The following SYBU variants were observed in gnomAD, a reference collection of about 807,000 sequenced individuals.
SYBU encodes syntabulin.
In SYBU, 21 loss-of-function variants were observed where a neutral mutation model predicts 35.9. The ratio of observed to expected loss-of-function variants is 0.58; its 90% CI spans 0.41 to 0.84. The LOEUF is 0.84. SYBU is among the 40% of genes least tolerant of loss of function. The pLI, the probability that SYBU is intolerant of heterozygous loss-of-function variation, is 0.00. For synonymous variants in SYBU, 319 were observed against 324.3 expected, an observed-to-expected ratio of 0.98 and a Z score of 0.18; for missense variants, 768 against 848.2, an observed-to-expected ratio of 0.91 and a Z score of 1.17.
chr8:109,669,263 G>A lies in SYBU; in HGVS notation c.-129+11448C>T, dbSNP rs1367955147. Among the ~76,000 whole-genome samples, 6 of 147,912 alleles carry A rather than the reference G, an allele frequency of 4.1e-5. No individual in the cohort carries two copies. The South Asian group carries it at 6.5e-4, about 16-fold the overall frequency. ...AGGCTGAGGCAGGAGAATGGCGTGA[G>A]CCCAGGAGGCGGAGCTTGCAGTGAG... is the stretch of plus-strand genomic sequence containing the variant. On this transcript the variant is annotated intron_variant, in intron 1 of 5. Transcript: ENST00000408889.
chr8:109,605,296 T>C (rs145924926), intron 3 of SYBU, among the ~76,000 whole-genome samples: 1 of 152,232 alleles, frequency 6.6e-6, no homozygotes, highest in Non-Finnish European at 1.5e-5. Flanking sequence ...AGGATTTAAT[T>C]GTTCCATTGC....
chr8:109,598,300 T>C (rs569537209), intron 3 of SYBU, among the ~76,000 whole-genome samples: 1 of 152,352 alleles, frequency 6.6e-6, no homozygotes, highest in Admixed American at 6.5e-5. Flanking sequence ...GTGAACTGCT[T>C]AATTTACTTG....
intron 3 of SYBU, among the ~76,000 whole-genome samples, chr8:109,613,169 T>A (rs1355881749): frequency 6.6e-6 from 1 of 152,184 alleles, no homozygotes; most frequent in Non-Finnish European, 1.5e-5. Context: ...CCTCTCCTTT[T>A]ATGTGACATG....
chr8:109,676,831 A>G (rs1563777352), intron 1 of SYBU, among the ~76,000 whole-genome samples: 1 of 152,224 alleles, frequency 6.6e-6, no homozygotes, highest in African/African-American at 2.4e-5. Context: ...CATGGCACCC[A>G]AGAGGGAATG....
chr8:109,611,620 A>G (rs1380766249), intron 3 of SYBU, among the ~76,000 whole-genome samples: 1 of 152,232 alleles, frequency 6.6e-6, no homozygotes, highest in Non-Finnish European at 1.5e-5. Context: ...TATAAATACA[A>G]AAGCTCTTGC....
intron 3 of SYBU, among the ~76,000 whole-genome samples, chr8:109,595,952 T>C (rs889209711): frequency 6.6e-6 from 1 of 152,218 alleles, no homozygotes; most frequent in Non-Finnish European, 1.5e-5. Flanking sequence ...CATATTACCT[T>C]ACTCAGAGAG....
upstream of SYBU, among the ~76,000 whole-genome samples, chr8:109,649,300 C>A (rs1279433460): frequency 1.3e-5 from 2 of 152,018 alleles, no homozygotes; most frequent in Admixed American, 1.3e-4. Context: ...CCGTGCCCAG[C>A]CCAACCCTTG....
At chr8:109,655,586 A>G (rs984448668) in intron 1 of SYBU, among the ~76,000 whole-genome samples, 1 of 152,188 alleles carries the variant, frequency 6.6e-6, no homozygotes, top group African/African-American at 2.4e-5. Context: ...ATTTCTCTTG[A>G]GTGAGAATTC....
intron 1 of SYBU, among the ~76,000 whole-genome samples, chr8:109,679,028 G>C (rs1162215385): frequency 2.0e-5 from 3 of 152,140 alleles, no homozygotes; most frequent in Non-Finnish European, 2.9e-5. Flanking sequence ...GATAAAACAG[G>C]ATGCGGTAAA....
chr8:109,633,865 C>T (rs1012022019), intron 2 of SYBU, among the ~76,000 whole-genome samples: 1 of 152,132 alleles, frequency 6.6e-6, no homozygotes, highest in Non-Finnish European at 1.5e-5. Flanking sequence ...TCCCAAGTAG[C>T]TGGAATTACA....
At chr8:109,634,359 T>C (rs1247928070) in intron 2 of SYBU, among the ~76,000 whole-genome samples, 1 of 152,224 alleles carries the variant, frequency 6.6e-6, no homozygotes, top group East Asian at 1.9e-4. Context: ...TTTTGACATT[T>C]AGAGATGCTA....
chr8:109,678,902 G>A (rs540492349), intron 1 of SYBU, among the ~76,000 whole-genome samples: 1 of 152,262 alleles, frequency 6.6e-6, no homozygotes, highest in Admixed American at 6.5e-5. Flanking sequence ...ACTCCATTTT[G>A]AACAGGGGCT....
chr8:109,681,699 T>C (rs574021268), upstream of SYBU, among the ~76,000 whole-genome samples: 113 of 152,314 alleles, frequency 7.4e-4, no homozygotes, highest in African/African-American at 2.3e-3. Context: ...AGCCTCTAGA[T>C]ATTTACTGAT....
chr8:109,642,650 A>G, intron 2 of SYBU, 78 bp downstream of exon 2: 1 of 927,268 alleles, frequency 1.1e-6, no homozygotes, highest in Admixed American at 3.1e-5. Flanking sequence ...GCTATAAGGG[A>G]CCCAGTATGG....
intron 1 of SYBU, among the ~76,000 whole-genome samples, chr8:109,666,177 T>C (rs1816744845): frequency 6.6e-6 from 1 of 152,182 alleles, no homozygotes; most frequent in Non-Finnish European, 1.5e-5. Flanking sequence ...TTGACCAACG[T>C]GGATGTGGAT....
chr8:109,645,365 T>C (rs1406056253), upstream of SYBU: 13 of 456,394 alleles, frequency 2.8e-5, no homozygotes, highest in Non-Finnish European at 2.6e-5. Context: ...CGATGGATTC[T>C]ACTTGGAAGG....
At chr8:109,640,210 G>C (rs1390964160) in intron 2 of SYBU, among the ~76,000 whole-genome samples, 1 of 152,146 alleles carries the variant, frequency 6.6e-6, no homozygotes, top group Non-Finnish European at 1.5e-5. Context: ...TTCATGTACA[G>C]CATTATAGCC....
upstream of SYBU, chr8:109,645,019 C>A: frequency 2.0e-6 from 1 of 490,548 alleles, no homozygotes. Context: ...GTGTCCCTCC[C>A]TCTCCAAGGA....
intron 3 of SYBU, among the ~76,000 whole-genome samples, chr8:109,598,578 CTCA>C (rs974822529): frequency 2.6e-5 from 4 of 152,170 alleles, no homozygotes; most frequent in African/African-American, 4.8e-5. Flanking sequence ...ACAGTAAATA[CTCA>C]TCATCATCAT....
Sources: allele counts gnomAD v4.1 joint callset (sites outside exome capture counted in the v4.1 genomes callset), GRCh38; gene constraint gnomAD v4.1.1; transcripts MANE v1.5; gene names NCBI Gene and HGNC (gene_info 2026-07-23, HGNC 2026-07-21).